Variants in GPR155 observed in about 807,000 individuals in gnomAD.
GPR155 encodes the protein lysosomal cholesterol signaling protein.
GPR155 carries 65 observed loss-of-function variants against 93.1 expected under a neutral mutation model. That is an observed-to-expected ratio of 0.70 (90% CI 0.57 to 0.86). The LOEUF is 0.86. Ranked by LOEUF, GPR155 falls within the 40% of genes least tolerant of loss-of-function variation. The pLI is 0.00. For missense variants in GPR155, 838 were observed against 1,034.8 expected, an observed-to-expected ratio of 0.81 and a Z score of 2.61; for synonymous variants, 319 against 360.1, an observed-to-expected ratio of 0.89 and a Z score of 1.29.
At chr2:174,445,018 C>G (rs915217180) in intron 13 of GPR155, 63 bp downstream of exon 13, 11 of 801,508 alleles carry the variant, frequency 1.4e-5, no homozygotes, top group Non-Finnish European at 4.4e-6. Flanking sequence ...CTTCCCCCGA[C>G]CCCCTACCAA....
Position 174,485,152 on chromosome 2 carries a change from TTAAGA to T in GPR155, c.-32+1716_-32+1720del, listed in dbSNP as rs1387458383. On this transcript the variant is annotated intron_variant, in intron 1 of 15. Transcript: ENST00000392552. ...TCAGTTTTTGTTTTATACCAAACAA[TTAAGA>T]TAAGTTGAATTTAATTTGGTTTGAT... Among the ~76,000 whole-genome samples the T allele has an allele frequency of 7.9e-5, 12 of 152,280 alleles. No homozygotes were observed. The East Asian group carries it at 2.1e-3, about 27-fold the overall frequency.
At chr2:174,473,897 G>T (rs547568809) in intron 2 of GPR155, among the ~76,000 whole-genome samples, 1 of 152,160 alleles carries the variant, frequency 6.6e-6, no homozygotes, top group Admixed American at 6.5e-5. Flanking sequence ...GATGTTTGGA[G>T]GCCTCTAGGA....
intron 13 of GPR155, among the ~76,000 whole-genome samples, chr2:174,442,966 A>G (rs964431935): frequency 1.3e-5 from 2 of 152,204 alleles, no homozygotes; most frequent in African/African-American, 4.8e-5. Flanking sequence ...AGCATTTTAA[A>G]TGCAACATTC....
chr2:174,445,357 G>T, intron 12 of GPR155, 181 bp from the exon 13 acceptor site: 1 of 531,932 alleles, frequency 1.9e-6, no homozygotes, highest in Non-Finnish European at 3.3e-6. Context: ...CTCTCCTCCT[G>T]ACAGATGTCA....
rs766852044 is a variant in GPR155, at chr2:174,473,281, G to A, written c.544C>T (p.Pro182Ser). Residue 182 changes from proline (P) to serine (S), a missense_variant, in exon 3 of 16, where the codon CCT becomes TCT. Pro to Ser is a moderately conservative substitution (Grantham distance 74). Transcript: ENST00000392552. ...ATTTCACAGAAAATAAACCCTATAG[G>A]GTTTAACATCATAAGAGATATTGGT... ...VAPISLMMLNPIGFIFCEIQK... is the reference protein window; with the variant it reads ...VAPISLMMLNSIGFIFCEIQK... 1 of 1,608,250 alleles carries A rather than the reference G, an allele frequency of 6.2e-7. No homozygotes were observed. The highest frequency in any genetic ancestry group is 8.5e-7 in the Non-Finnish European group (1 of 1,175,418).
At chr2:174,440,539 T>C (rs1477619417) in intron 14 of GPR155, among the ~76,000 whole-genome samples, 1 of 152,220 alleles carries the variant, frequency 6.6e-6, no homozygotes, top group African/African-American at 2.4e-5. Flanking sequence ...CAAATGAAGC[T>C]GATAACTAAG....
At chr2:174,461,700 C>T in intron 7 of GPR155, 28 bp from the exon 8 acceptor site, 2 of 1,235,472 alleles carry the variant, frequency 1.6e-6, no homozygotes, top group Non-Finnish European at 2.4e-6. Flanking sequence ...GAAAGAGAGA[C>T]AGTTACTCAA....
intron 1 of GPR155, among the ~76,000 whole-genome samples, chr2:174,485,831 C>A (rs895269257): frequency 2.0e-5 from 3 of 152,066 alleles, no homozygotes; most frequent in Non-Finnish European, 2.9e-5. Context: ...TTACATCCAG[C>A]CTTTTTATCT....
At chr2:174,462,334 A>G (rs185444717) in intron 7 of GPR155, among the ~76,000 whole-genome samples, 13 of 152,044 alleles carry the variant, frequency 8.6e-5, no homozygotes, top group African/African-American at 1.2e-4. Flanking sequence ...TTCTTTAGAC[A>G]GAGTCTTACT....
At chr2:174,441,022 CTT>C (rs34104639) in intron 14 of GPR155, among the ~76,000 whole-genome samples, 36,182 of 151,950 alleles carry the variant, frequency 0.24, 5,746 homozygotes, top group East Asian at 0.69. Context: ...TTTCATTTAA[CTT>C]TATGTAATAG....
In GPR155 at chr2:174,479,920, T is replaced by C. The variant is rs13398005; in HGVS notation, c.460+1577A>G. Among the ~76,000 whole-genome samples the C allele has an allele frequency of 5.4e-3, 828 of 152,324 alleles. 10 individuals carry two copies. The highest frequency in any genetic ancestry group is 0.019 in the African/African-American group (792 of 41,568). ...AATTATCTATGAGCCCAGTTTTTCC[T>C]GTCTCTTAAACCTCCAGCTTTACTG... On this transcript the variant is annotated intron_variant, in intron 2 of 15. Transcript: ENST00000392552.
chr2:174,479,905 G>A lies in GPR155; in HGVS notation c.460+1592C>T, dbSNP rs548511513. ...GACTATTTGTAGCTCAATTATCTATGAGCCCAGTTTTTCCTGTCTCTTAAA... is the reference window on the plus strand; with the variant it reads ...GACTATTTGTAGCTCAATTATCTATAAGCCCAGTTTTTCCTGTCTCTTAAA... On this transcript the variant is annotated intron_variant, in intron 2 of 15. Coordinates refer to ENST00000392552, the MANE Select transcript of GPR155 (RefSeq NM_152529.7). 5.9e-5 allele frequency among the ~76,000 whole-genome samples: 9 copies of A among 152,214 alleles called. No homozygotes were observed. The East Asian group carries it at 1.5e-3, about 26-fold the overall frequency.
At chr2:174,480,491 T>TA (rs1167289550) in intron 2 of GPR155, among the ~76,000 whole-genome samples, 2 of 152,118 alleles carry the variant, frequency 1.3e-5, no homozygotes. Flanking sequence ...ATTTAAAATA[T>TA]AAAAAAGTAA....
chr2:174,431,980 A>C lies in GPR155; in HGVS notation c.*4136T>G, dbSNP rs972502681. Reference sequence around the variant, plus strand: ...GCTGAAGAAAAAGAGATAGGTTTTAATCAAAATTTTATCATTTTTCTAGCT... The same window carrying C: ...GCTGAAGAAAAAGAGATAGGTTTTACTCAAAATTTTATCATTTTTCTAGCT... On this transcript the variant is annotated 3_prime_UTR_variant, in exon 16 of 16. Coordinates refer to ENST00000392552, the MANE Select transcript of GPR155 (RefSeq NM_152529.7). 6 of 152,232 alleles carry C rather than the reference A, an allele frequency of 3.9e-5. No individual in the cohort carries two copies. Among genetic ancestry groups the C allele is most frequent in the African/African-American group, 1.2e-4 (5 of 41,460 alleles). The allele number at this position is 152,232 out of a possible 1,614,324, so 9.4% of individuals were successfully genotyped here. A position where few individuals can be genotyped will look rare whatever the true frequency, so the allele number is the denominator to read the frequency against.
intron 11 of GPR155, among the ~76,000 whole-genome samples, chr2:174,451,085 G>C (rs1033220672): frequency 6.6e-6 from 1 of 152,032 alleles, no homozygotes; most frequent in Non-Finnish European, 1.5e-5. Flanking sequence ...CGAGGTGGGA[G>C]GATCACTTGA....
chr2:174,433,317 GTCC>G lies in GPR155; in HGVS notation c.*2796_*2798del, dbSNP rs1686689413. Reference sequence around the variant, plus strand: ...AAGATGCTATGGTCTAAATGTCTGTGTCCTCCTAGAATTCTTATGTTGAAACCT... The same window carrying G: ...AAGATGCTATGGTCTAAATGTCTGTGTCCTAGAATTCTTATGTTGAAACCT... On this transcript the variant is annotated 3_prime_UTR_variant, in exon 16 of 16. Transcript: ENST00000392552. The G allele has an allele frequency of 6.6e-6, 1 of 152,110 alleles. No individual in the cohort carries two copies. The highest frequency in any genetic ancestry group is 1.5e-5 in the Non-Finnish European group (1 of 68,028). 9.4% of individuals were successfully genotyped at this position (152,110 alleles called of 1,614,324 possible).
At chr2:174,460,154 A>ATTTTTTTTTTTTTTTT (rs11385015) in intron 9 of GPR155, 66 bp from the exon 10 acceptor site, 1 of 337,036 alleles carries the variant, frequency 3.0e-6, no homozygotes, top group African/African-American at 3.8e-5. Flanking sequence ...CTTAGGGCAC[A>ATTTTTTTTTTTTTTTT]TTTTTTTTTT....
chr2:174,473,009 C>A lies in GPR155; in HGVS notation c.816G>T (p.Lys272Asn). 1 of 1,594,360 alleles carries A rather than the reference C, an allele frequency of 6.3e-7. No homozygotes were observed. The highest frequency in any genetic ancestry group is 8.5e-7 in the Non-Finnish European group (1 of 1,175,432). ...LTMVGKIKRL[K>N]KSAFVVLILL... ...GAATTAGTACTACAAATGCCGACTT[C>A]TTCAGTCTCTTTATTTTTCCCACCA... is the stretch of plus-strand genomic sequence containing the variant. Residue 272 changes from lysine (K) to asparagine (N), a missense_variant, in exon 3 of 16, where the codon AAG becomes AAT. Lys to Asn is a moderately conservative substitution (Grantham distance 94). This residue lies in a region of GPR155 where 663 missense variants were observed against 790.1 expected (regional missense o/e 0.84). Coordinates refer to ENST00000392552, the MANE Select transcript of GPR155 (RefSeq NM_152529.7).
At chr2:174,459,152 TG>T (rs1281178721) in intron 10 of GPR155, among the ~76,000 whole-genome samples, 1 of 152,156 alleles carries the variant, frequency 6.6e-6, no homozygotes, top group Admixed American at 6.6e-5. Flanking sequence ...AAACAGGTGG[TG>T]GGCCAGATTT....
Sources: allele counts gnomAD v4.1 joint callset (sites outside exome capture counted in the v4.1 genomes callset), GRCh38; gene constraint gnomAD v4.1.1; regional missense constraint gnomAD v4.1.1; transcripts MANE v1.5; gene names NCBI Gene and HGNC (gene_info 2026-07-23, HGNC 2026-07-21).